FTO: variants seen among roughly 807,000 people sequenced by gnomAD.
The protein encoded by FTO is alpha-ketoglutarate-dependent dioxygenase FTO.
Under a neutral mutation model 63.9 loss-of-function variants are expected in FTO, and 47 were observed. That is an observed-to-expected ratio of 0.74 (90% confidence interval 0.58 to 0.94). The LOEUF (loss-of-function observed/expected upper bound fraction) is 0.94. FTO is among the 40% of genes least tolerant of loss of function. FTO has a pLI of 0.00. For synonymous variants in FTO, 207 were observed against 224.4 expected (o/e 0.92, Z 0.69); for missense variants, 562 against 618.1 (o/e 0.91, Z 0.96).
At chr16:54,014,542 A>G (rs565009697) in intron 8 of FTO, among the ~76,000 whole-genome samples, 1 of 152,130 alleles carries the variant, frequency 6.6e-6, no homozygotes, top group East Asian at 1.9e-4. Flanking sequence ...CTGTGAGCCA[A>G]ATAAACTTCT....
At chr16:53,915,105 C>T (rs779136938) in intron 7 of FTO, among the ~76,000 whole-genome samples, 5 of 152,140 alleles carry the variant, frequency 3.3e-5, no homozygotes, top group East Asian at 1.9e-4. Context: ...AACCATAAGA[C>T]GGTATGCTTA....
intron 7 of FTO, among the ~76,000 whole-genome samples, chr16:53,890,245 T>G (rs2151908747): frequency 6.6e-6 from 1 of 152,338 alleles, no homozygotes; most frequent in South Asian, 2.1e-4. Context: ...CCCTATTTTA[T>G]TTTTTTAAAG....
At chr16:54,062,221 A>T (rs1354731347) in intron 8 of FTO, among the ~76,000 whole-genome samples, 1 of 152,164 alleles carries the variant, frequency 6.6e-6, no homozygotes, top group Non-Finnish European at 1.5e-5. Flanking sequence ...GTCCCCTTGA[A>T]ATTCTTATTT....
In FTO at chr16:53,826,427, C is replaced by T. The variant is rs761335315; in HGVS notation, c.687C>T (p.Ser229=). 3 of 1,613,998 alleles carry T rather than the reference C, an allele frequency of 1.9e-6. No individual in the cohort carries two copies. The highest frequency in any genetic ancestry group is 2.2e-5 in the East Asian group (1 of 44,882). Residue 229 remains serine, a synonymous_variant, in exon 3 of 9, where the codon AGC becomes AGT. Coordinates refer to ENST00000471389, the MANE Select transcript of FTO (RefSeq NM_001080432.3). The stretch of plus-strand genomic sequence containing the variant: ...TTGGCATGGGGAAAATGGCAGTGAG[C>T]TGGCATCATGATGAAAATCTGGTGG... The part of the protein sequence containing the change: ...PYFGMGKMAV[S]WHHDENLVDR...
chr16:53,964,464 T>C (rs1350112873), intron 8 of FTO, among the ~76,000 whole-genome samples: 1 of 152,236 alleles, frequency 6.6e-6, no homozygotes, highest in East Asian at 1.9e-4. Context: ...TTTCATTTGT[T>C]GTTCATGTAA....
At chr16:54,093,231 T>A (rs1305560960) in intron 8 of FTO, among the ~76,000 whole-genome samples, 3 of 152,164 alleles carry the variant, frequency 2.0e-5, no homozygotes, top group Non-Finnish European at 2.9e-5. Flanking sequence ...CGAGTCAGTC[T>A]CCTGCTAGAA....
At chr16:53,909,170 C>T (rs2151939373) in intron 7 of FTO, among the ~76,000 whole-genome samples, 1 of 152,298 alleles carries the variant, frequency 6.6e-6, no homozygotes, top group East Asian at 1.9e-4. Flanking sequence ...ATTCAGCAGG[C>T]ATCTACCAGC....
intron 8 of FTO, among the ~76,000 whole-genome samples, chr16:53,975,892 G>A (rs2083427410): frequency 6.6e-6 from 1 of 152,058 alleles, no homozygotes; most frequent in African/African-American, 2.4e-5. Context: ...CCTATGAGTA[G>A]GTGCTATTAT....
intron 8 of FTO, among the ~76,000 whole-genome samples, chr16:53,974,181 A>C (rs185402598): frequency 1.4e-3 from 210 of 152,294 alleles, no homozygotes; most frequent in African/African-American, 4.8e-3. Flanking sequence ...GACCTCAGAC[A>C]AAAAGATTAA....
At chr16:53,911,538 G>A in intron 7 of FTO, 2 of 701,258 alleles carry the variant, frequency 2.9e-6, no homozygotes, top group Non-Finnish European at 5.2e-6. Flanking sequence ...AGATGCATTT[G>A]TGTCATCTGA....
At chr16:53,758,366 A>G (rs2076971347) in intron 1 of FTO, among the ~76,000 whole-genome samples, 1 of 152,224 alleles carries the variant, frequency 6.6e-6, no homozygotes, top group Admixed American at 6.5e-5. Flanking sequence ...CCATATCTAC[A>G]GGCTGGAAGG....
intron 8 of FTO, among the ~76,000 whole-genome samples, chr16:54,007,626 G>A (rs1161333591): frequency 6.6e-6 from 1 of 152,176 alleles, no homozygotes; most frequent in African/African-American, 2.4e-5. Context: ...ACCAAAACAG[G>A]GATCACTGGC....
intron 8 of FTO, among the ~76,000 whole-genome samples, chr16:53,964,408 G>A (rs1272220827): frequency 6.6e-6 from 1 of 152,158 alleles, no homozygotes; most frequent in Non-Finnish European, 1.5e-5. Flanking sequence ...AGGAGGAAGG[G>A]TTATGTTTAA....
chr16:53,793,132 A>G lies in FTO; in HGVS notation c.46-17008A>G, dbSNP rs115852267. Among the ~76,000 whole-genome samples the G allele has an allele frequency of 7.4e-3, 1,129 of 152,328 alleles. 14 individuals are homozygous for G. Among genetic ancestry groups the G allele is most frequent in the African/African-American group, 0.025 (1,040 of 41,570 alleles). ...GGTCAAAAGAAGTTAGAATTGTTCCATCTGAGTCTTTGGCCCTTAGTAAAG... is the reference window on the plus strand; with the variant it reads ...GGTCAAAAGAAGTTAGAATTGTTCCGTCTGAGTCTTTGGCCCTTAGTAAAG... On this transcript the variant is annotated intron_variant, in intron 1 of 8. Transcript: ENST00000471389.
chr16:53,779,924 C>G (rs892285427), intron 1 of FTO, among the ~76,000 whole-genome samples: 33 of 152,266 alleles, frequency 2.2e-4, no homozygotes, highest in African/African-American at 7.2e-4. Flanking sequence ...TACTACAGGC[C>G]AAGCCACCAT....
intron 8 of FTO, among the ~76,000 whole-genome samples, chr16:53,984,402 A>AGACTC (rs377597256): frequency 7.7e-6 from 1 of 129,302 alleles, no homozygotes; most frequent in East Asian, 2.5e-4. Context: ...GGCTCACTGC[A>AGACTC]GACTCGACCT....
At chr16:53,745,718 A>G (rs1837276828) in intron 1 of FTO, among the ~76,000 whole-genome samples, 1 of 152,218 alleles carries the variant, frequency 6.6e-6, no homozygotes, top group East Asian at 1.9e-4. Flanking sequence ...TCAGGTATGC[A>G]CTTAAATGCA....
At chr16:53,994,354 TA>T (rs1348968783) in intron 8 of FTO, 1 of 152,072 alleles carries the variant, frequency 6.6e-6, no homozygotes, top group Non-Finnish European at 1.5e-5. Flanking sequence ...TTTTATTATT[TA>T]ATTTTTTTTA....
intron 1 of FTO, among the ~76,000 whole-genome samples, chr16:53,803,200 T>TA (rs2078271558): frequency 6.6e-6 from 1 of 152,258 alleles, no homozygotes; most frequent in South Asian, 2.1e-4. Context: ...TCATTTATGT[T>TA]ACTTGGAAAC....
Sources: gnomAD v4.1 joint callset for allele counts (sites outside exome capture counted in the v4.1 genomes callset) on GRCh38, gnomAD v4.1.1 for gene constraint, MANE v1.5 for transcripts, NCBI Gene and HGNC (gene_info 2026-07-23, HGNC 2026-07-21) for gene names.